The following EP300 variants were observed in gnomAD, a reference collection of about 807,000 sequenced individuals.
The protein encoded by EP300 is EP300 lysine acetyltransferase.
EP300 carries 31 observed loss-of-function variants against 264.0 expected under a neutral mutation model. That is an observed-to-expected ratio of 0.12 (90% CI 0.09 to 0.16). The LOEUF is 0.16. Among genes scored for constraint, EP300 ranks in the 10% least tolerant of loss-of-function variants. The pLI, the probability that EP300 is intolerant of heterozygous loss-of-function variation, is 1.00. For missense variants in EP300, 2,766 were observed against 3,052.9 expected (o/e 0.91, Z 2.21); for synonymous variants, 1,340 against 1,045.4 (o/e 1.28, Z -5.44).
At chr22:41,162,308 T>C (rs1340342105) in intron 20 of EP300, among the ~76,000 whole-genome samples, 1 of 152,192 alleles carries the variant, frequency 6.6e-6, no homozygotes, top group Non-Finnish European at 1.5e-5. Context: ...CCCCCTAATG[T>C]TGATTCTAGT....
chr22:41,172,675 G>C lies in EP300; in HGVS notation c.4617+12G>C, dbSNP rs755461971. The C allele has an allele frequency of 6.2e-7, 1 of 1,610,272 alleles. No individual in the cohort carries two copies. Among genetic ancestry groups the C allele is most frequent in the Admixed American group, 1.7e-5 (1 of 59,848 alleles). ...ATGAAAGCACAGATGTAAGGGCATTGAGTTTCCTTTGAAACTTCTATCATG... is the reference window on the plus strand; with the variant it reads ...ATGAAAGCACAGATGTAAGGGCATTCAGTTTCCTTTGAAACTTCTATCATG... On this transcript the variant is annotated intron_variant, in intron 28 of 30. Transcript: ENST00000263253.
intron 19 of EP300, chr22:41,159,420 A>G (rs2059095827): frequency 6.6e-6 from 1 of 152,224 alleles, no homozygotes; most frequent in Admixed American, 6.5e-5. Context: ...TGCAGTGAGT[A>G]AAAATCTAGC....
chr22:41,098,472 A>C (rs898502901), intron 1 of EP300, among the ~76,000 whole-genome samples: 1 of 152,068 alleles, frequency 6.6e-6, no homozygotes, highest in Non-Finnish European at 1.5e-5. Context: ...CCCGGGTTCA[A>C]GCCATTCTCC....
At chr22:41,166,139 G>A (rs938944470) in intron 22 of EP300, among the ~76,000 whole-genome samples, 2 of 152,152 alleles carry the variant, frequency 1.3e-5, no homozygotes, top group Non-Finnish European at 2.9e-5. Flanking sequence ...ATAGTATTCT[G>A]TAACATACTA....
chr22:41,112,153 G>C (rs761329554), intron 1 of EP300, among the ~76,000 whole-genome samples: 6 of 151,838 alleles, frequency 4.0e-5, no homozygotes, highest in Non-Finnish European at 8.8e-5. Context: ...CTCCCAAAGT[G>C]CTGGGATTAC....
At chr22:41,112,721 T>A (rs899765711) in intron 1 of EP300, among the ~76,000 whole-genome samples, 7 of 151,980 alleles carry the variant, frequency 4.6e-5, no homozygotes, top group African/African-American at 7.2e-5. Flanking sequence ...TTTTTTTTTT[T>A]AGAAGTATTT....
rs1759506019 is a variant in EP300, at chr22:41,170,716, C to CA, written c.4452+146dup. On this transcript the variant is annotated intron_variant, in intron 27 of 30. Coordinates refer to ENST00000263253, the MANE Select transcript of EP300 (RefSeq NM_001429.4). The stretch of plus-strand genomic sequence containing the variant: ...TCGCTCTGTCACGCAGGCTGGAGTG[C>CA]AGTGACACGATTTTGGCTCACTTCA... The CA allele has an allele frequency of 3.4e-6, 3 of 889,440 alleles. No individual in the cohort carries two copies. The East Asian group carries it at 8.4e-5, about 25-fold the overall frequency. The allele number at this position is 889,440 out of a possible 1,614,324, so 55.1% of individuals were successfully genotyped here.
chr22:41,132,266 T>C lies in EP300; in HGVS notation c.1528+633T>C, dbSNP rs1225754820. On this transcript the variant is annotated intron_variant, in intron 6 of 30. Coordinates refer to ENST00000263253, the MANE Select transcript of EP300 (RefSeq NM_001429.4). Reference sequence around the variant, plus strand: ...CCATGTATCATTTTAAATGGTTGTATAGTATGTCATTCTTTCATTCTTTTT... The same window carrying C: ...CCATGTATCATTTTAAATGGTTGTACAGTATGTCATTCTTTCATTCTTTTT... 6.0e-5 allele frequency among the ~76,000 whole-genome samples: 9 copies of C among 149,560 alleles called. No homozygotes were observed. In the South Asian group the frequency reaches 1.3e-3, roughly 21 times the overall value.
Position 41,147,581 on chromosome 22 carries a change from A to T in EP300, c.2132-256A>T, listed in dbSNP as rs144442908. ...TGAAACCCCCGTCTCTACTAAAAAT[A>T]CAAAAAATTAGCTGGGTGTGGTGGC... On this transcript the variant is annotated intron_variant, in intron 11 of 30. Transcript: ENST00000263253. 0.018 allele frequency among the ~76,000 whole-genome samples: 2,674 copies of T among 152,086 alleles called. 68 individuals carry two copies. Among genetic ancestry groups the T allele is most frequent in the African/African-American group, 0.062 (2,556 of 41,460 alleles).
At chr22:41,126,713 T>C (rs1470010946) in intron 3 of EP300, among the ~76,000 whole-genome samples, 1 of 142,688 alleles carries the variant, frequency 7.0e-6, no homozygotes, top group African/African-American at 2.6e-5. Flanking sequence ...GTCATCTCTG[T>C]CCCGAGAAAT....
At chr22:41,131,996 G>A (rs996037303) in intron 6 of EP300, among the ~76,000 whole-genome samples, 4 of 152,012 alleles carry the variant, frequency 2.6e-5, no homozygotes, top group African/African-American at 9.7e-5. Context: ...AGGAGTTTGA[G>A]ACCAGCCTGA....
chr22:41,134,178 T>TC (rs1357627716), intron 6 of EP300, among the ~76,000 whole-genome samples: 1 of 151,138 alleles, frequency 6.6e-6, no homozygotes, highest in Non-Finnish European at 1.5e-5. Context: ...TTTTTTTTTT[T>TC]TTTCTGATTT....
At chr22:41,161,442 C>T (rs550348131) in intron 20 of EP300, among the ~76,000 whole-genome samples, 1 of 152,120 alleles carries the variant, frequency 6.6e-6, no homozygotes, top group African/African-American at 2.4e-5. Flanking sequence ...ACGGTGAAGC[C>T]CTGTCTCTAC....
At chr22:41,126,924 A>G (rs1333541522) in intron 3 of EP300, among the ~76,000 whole-genome samples, 2 of 151,332 alleles carry the variant, frequency 1.3e-5, no homozygotes, top group African/African-American at 4.9e-5. Flanking sequence ...TTGTATTTTT[A>G]GTAGAGACAG....
intron 2 of EP300, among the ~76,000 whole-genome samples, chr22:41,119,254 C>T (rs1230075503): frequency 7.0e-6 from 1 of 142,742 alleles, no homozygotes; most frequent in Admixed American, 7.2e-5. Context: ...TCCTCTTGGG[C>T]TCAAGTGATC....
chr22:41,145,328 T>G lies in EP300; in HGVS notation c.2054-1411T>G, dbSNP rs558025759. Among the ~76,000 whole-genome samples, 3 of 152,356 alleles carry G rather than the reference T, an allele frequency of 2.0e-5. No individual in the cohort carries two copies. The East Asian group carries it at 5.8e-4, about 29-fold the overall frequency. ...GCTTGCAGAGTTACAGATAAAAGTT[T>G]ATATGAATAAATGTTGAGCATTTCC... On this transcript the variant is annotated intron_variant, in intron 10 of 30. Transcript: ENST00000263253.
At chr22:41,156,227 G>T (rs2059076051) in intron 17 of EP300, among the ~76,000 whole-genome samples, 1 of 151,966 alleles carries the variant, frequency 6.6e-6, no homozygotes, top group Non-Finnish European at 1.5e-5. Flanking sequence ...TGGTCAGGCT[G>T]GTCTCAAACT....
At chr22:41,171,284 CTTTTTGTTTTG>C (rs1189546214) in intron 27 of EP300, among the ~76,000 whole-genome samples, 1 of 151,546 alleles carries the variant, frequency 6.6e-6, no homozygotes, top group African/African-American at 2.4e-5. Flanking sequence ...TAAAATATAT[CTTTTTGTTTTG>C]GTTTTTTGTT....
chr22:41,144,908 AG>A (rs1252700883), intron 10 of EP300, among the ~76,000 whole-genome samples: 1 of 152,058 alleles, frequency 6.6e-6, no homozygotes, highest in Non-Finnish European at 1.5e-5. Flanking sequence ...TAAAAAAAAA[AG>A]GACATGTCTG....
Sources: gnomAD v4.1 joint callset for allele counts (sites outside exome capture counted in the v4.1 genomes callset) on GRCh38, gnomAD v4.1.1 for gene constraint, MANE v1.5 for transcripts, NCBI Gene and HGNC (gene_info 2026-07-23, HGNC 2026-07-21) for gene names.